The following ERC2 variants were observed in gnomAD, a reference collection of about 807,000 sequenced individuals.
ERC2 encodes ELKS/RAB6-interacting/CAST family member 2.
In ERC2, 42 loss-of-function variants were observed where a neutral mutation model predicts 114.8. The ratio of observed to expected loss-of-function variants is 0.37; its 90% confidence interval spans 0.29 to 0.47. The LOEUF (loss-of-function observed/expected upper bound fraction) is 0.47, where lower values mean the gene tolerates loss of function less well. Ranked by LOEUF, ERC2 falls within the 20% of genes least tolerant of loss-of-function variation. The pLI is 0.99. For synonymous variants in ERC2, 454 were observed against 425.5 expected (o/e 1.07, Z -0.82); for missense variants, 939 against 1,150.7 (o/e 0.82, Z 2.66).
chr3:55,733,010 G>A (rs1173595093), intron 15 of ERC2, among the ~76,000 whole-genome samples: 2 of 152,110 alleles, frequency 1.3e-5, no homozygotes, highest in East Asian at 3.9e-4. Context: ...GATCATGTAT[G>A]CATCGTAGCT....
intron 13 of ERC2, among the ~76,000 whole-genome samples, chr3:55,941,973 T>C: frequency 6.6e-6 from 1 of 152,308 alleles, no homozygotes. Flanking sequence ...AATAACTAAC[T>C]AATTTTATAT....
intron 15 of ERC2, 57 bp downstream of exon 15, chr3:55,734,714 G>T (rs565496974): frequency 1.5e-5 from 24 of 1,554,220 alleles, no homozygotes; most frequent in Non-Finnish European, 2.1e-5. Context: ...AAAATCCAGA[G>T]AAAGCCCCCA....
At chr3:55,568,162 A>G (rs1423080789) in intron 17 of ERC2, among the ~76,000 whole-genome samples, 5 of 152,166 alleles carry the variant, frequency 3.3e-5, no homozygotes, top group Non-Finnish European at 7.3e-5. Flanking sequence ...ATAATGGCAA[A>G]CTCTTATTGA....
intron 2 of ERC2, among the ~76,000 whole-genome samples, chr3:56,415,255 T>C (rs2061104095): frequency 6.6e-6 from 1 of 152,092 alleles, no homozygotes; most frequent in African/African-American, 2.4e-5. Context: ...TTTTAATGAG[T>C]GGATGGATGG....
At chr3:55,693,051 G>A (rs911245173) in intron 16 of ERC2, among the ~76,000 whole-genome samples, 64 of 152,168 alleles carry the variant, frequency 4.2e-4, no homozygotes, top group Admixed American at 3.0e-3. Context: ...GTACAAACAC[G>A]CACTTTGGCT....
chr3:56,376,645 C>A (rs1342470802), intron 2 of ERC2, among the ~76,000 whole-genome samples: 1 of 151,994 alleles, frequency 6.6e-6, no homozygotes, highest in African/African-American at 2.4e-5. Context: ...AACCTGTAAT[C>A]CCAGCTACTC....
intron 17 of ERC2, among the ~76,000 whole-genome samples, chr3:55,519,526 G>A (rs1189553712): frequency 6.6e-6 from 1 of 152,076 alleles, no homozygotes; most frequent in South Asian, 2.1e-4. Flanking sequence ...TCTCTCACAC[G>A]CTGACATATT....
chr3:55,516,148 A>C (rs1298692946), intron 17 of ERC2, among the ~76,000 whole-genome samples: 1 of 152,124 alleles, frequency 6.6e-6, no homozygotes, highest in African/African-American at 2.4e-5. Context: ...CGGTTGGAGG[A>C]GAAGAGCTGC....
At chr3:55,890,468 C>T (rs543227721) in intron 13 of ERC2, among the ~76,000 whole-genome samples, 10 of 152,300 alleles carry the variant, frequency 6.6e-5, no homozygotes, top group Admixed American at 4.6e-4. Flanking sequence ...CTCTCTCATT[C>T]ATCGAAGCTG....
chr3:55,937,079 G>A (rs1298196576), intron 13 of ERC2, among the ~76,000 whole-genome samples: 1 of 152,114 alleles, frequency 6.6e-6, no homozygotes, highest in South Asian at 2.1e-4. Context: ...AGTGGCTCAC[G>A]CCTGTAATTC....
chr3:56,249,337 T>G (rs2051949115), intron 3 of ERC2, among the ~76,000 whole-genome samples: 1 of 152,078 alleles, frequency 6.6e-6, no homozygotes, highest in Admixed American at 6.5e-5. Flanking sequence ...ATTCACCTTT[T>G]TTTTTTGAGA....
chr3:56,072,802 A>G (rs9829099), intron 7 of ERC2, among the ~76,000 whole-genome samples: 119,981 of 152,100 alleles, frequency 0.79, 48,361 homozygotes, highest in East Asian at 0.91. Context: ...ATTTAAACTG[A>G]GTGTTATCTG....
At chr3:56,404,215 G>A (rs1292036945) in intron 2 of ERC2, among the ~76,000 whole-genome samples, 1 of 152,130 alleles carries the variant, frequency 6.6e-6, no homozygotes, top group Middle Eastern at 3.2e-3. Flanking sequence ...CTCTTGTTTT[G>A]TAAATCAATT....
intron 2 of ERC2, among the ~76,000 whole-genome samples, chr3:56,355,478 C>T (rs552816874): frequency 4.6e-5 from 7 of 152,062 alleles, no homozygotes; most frequent in East Asian, 3.9e-4. Context: ...ACATCATGCT[C>T]GGATAATTTT....
chr3:55,758,520 CT>C (rs2067204248), intron 14 of ERC2, among the ~76,000 whole-genome samples: 1 of 152,234 alleles, frequency 6.6e-6, no homozygotes, highest in Non-Finnish European at 1.5e-5. Context: ...CCTGCAGAGC[CT>C]CCCAGTGGCC....
At chr3:55,615,439 C>A (rs1372134521) in intron 17 of ERC2, among the ~76,000 whole-genome samples, 3 of 152,190 alleles carry the variant, frequency 2.0e-5, no homozygotes, top group Non-Finnish European at 4.4e-5. Context: ...CACTGCACAG[C>A]CCTCTTGTCC....
Position 56,378,583 on chromosome 3 carries a change from AAAAC to A in ERC2, c.657+55764_657+55767del, listed in dbSNP as rs1228758238. 6.6e-5 allele frequency among the ~76,000 whole-genome samples: 9 copies of A among 136,218 alleles called. No individual in the cohort carries two copies. The South Asian group carries it at 9.7e-4, about 15-fold the overall frequency. 89.4% of individuals were successfully genotyped at this position (136,218 alleles called of 152,430 possible). A position where few individuals can be genotyped will look rare whatever the true frequency, so the allele number is the denominator to read the frequency against. ...ACTTAAAGTATAATAAAAAAAAAAA[AAAAC>A]AAAGGCAGCAATCTGAAACTGGTTC... is the stretch of plus-strand genomic sequence containing the variant. On this transcript the variant is annotated intron_variant, in intron 2 of 17. Transcript: ENST00000288221.
At chr3:55,860,526 G>A (rs2061983798) in intron 14 of ERC2, among the ~76,000 whole-genome samples, 1 of 152,088 alleles carries the variant, frequency 6.6e-6, no homozygotes, top group South Asian at 2.1e-4. Context: ...AGCATAATTA[G>A]GGCCCTCTAA....
intron 17 of ERC2, among the ~76,000 whole-genome samples, chr3:55,611,979 C>T (rs1454593994): frequency 3.9e-5 from 6 of 152,184 alleles, no homozygotes; most frequent in Non-Finnish European, 8.8e-5. Flanking sequence ...GAGTAGTCCT[C>T]AAATCTTGTT....
Sources: gnomAD v4.1 joint callset for allele counts (sites outside exome capture counted in the v4.1 genomes callset) on GRCh38, gnomAD v4.1.1 for gene constraint, MANE v1.5 for transcripts, NCBI Gene and HGNC (gene_info 2026-07-23, HGNC 2026-07-21) for gene names.